INCENP: variants seen among roughly 807,000 people sequenced by gnomAD.
The protein encoded by INCENP is inner centromere protein.
Under a neutral mutation model 107.3 loss-of-function variants are expected in INCENP, and 43 were observed. The ratio of observed to expected loss-of-function variants is 0.40; its 90% confidence interval spans 0.31 to 0.52. The LOEUF (loss-of-function observed/expected upper bound fraction) is 0.52, where lower values mean the gene tolerates loss of function less well. Ranked by LOEUF, INCENP falls within the 20% of genes least tolerant of loss-of-function variation. The pLI, the probability that INCENP is intolerant of heterozygous loss-of-function variation, is 0.53. For synonymous variants in INCENP, 488 were observed against 494.4 expected (o/e 0.99, Z 0.17); for missense variants, 1,089 against 1,250.9 (o/e 0.87, Z 1.95).
chr11:62,148,578 TC>T, intron 16 of INCENP, 24 bp downstream of exon 16: 1 of 1,582,998 alleles, frequency 6.3e-7, no homozygotes, highest in Non-Finnish European at 8.6e-7. Context: ...GGTTGCGGGC[TC>T]CCCTGGGGTC....
At chr11:62,150,242 G>A (rs373737398) in intron 18 of INCENP, 35 bp downstream of exon 18, 31 of 1,609,962 alleles carry the variant, frequency 1.9e-5, no homozygotes, top group Non-Finnish European at 2.5e-5. Flanking sequence ...GGAGACTCAG[G>A]CCCTCCCTGG....
Position 62,146,739 on chromosome 11 carries a change from G to T in INCENP, c.2041G>T (p.Ala681Ser). ...GGAGCGGCTGCGGAAGGCGGCCGAG[G>T]CTAAGCGGCTGGCAGAGCAGCGGGA... is the stretch of plus-strand genomic sequence containing the variant. The part of the protein sequence containing the change: ...EQERLRKAAE[A>S]KRLAEQREQE... The change falls in exon 15 of 19, where the codon GCT becomes TCT. Residue 681 changes from alanine (A) to serine (S), a missense_variant. Coordinates refer to ENST00000394818, the MANE Select transcript of INCENP (RefSeq NM_001040694.2). 1 of 1,549,806 alleles carries T rather than the reference G, an allele frequency of 6.5e-7. No individual in the cohort carries two copies. The highest frequency in any genetic ancestry group is 8.7e-7 in the Non-Finnish European group (1 of 1,146,574).
chr11:62,151,388 C>T (rs1205582268), intron 18 of INCENP, among the ~76,000 whole-genome samples: 2 of 152,200 alleles, frequency 1.3e-5, no homozygotes, highest in African/African-American at 4.8e-5. Flanking sequence ...GCATCCTATG[C>T]TTAAGCTCTG....
Position 62,140,713 on chromosome 11 carries a change from C to T in INCENP, c.1353C>T (p.Arg451=). ...REPPQSARRK[R]SYKQAVSELD... ...GCCCGCGCCTTGGCAGGAGGAAGCG[C>T]AGCTACAAGCAGGCCGTGAGTGAGC... The change falls in exon 9 of 19, where the codon CGC becomes CGT. Residue 451 remains arginine (R), a synonymous_variant. Transcript: ENST00000394818. 1 of 1,571,268 alleles carries T rather than the reference C, an allele frequency of 6.4e-7. No homozygotes were observed. Among genetic ancestry groups the T allele is most frequent in the Middle Eastern group, 2.2e-4 (1 of 4,464 alleles).
At chr11:62,140,660 C>T (rs1944095325) in intron 8 of INCENP, 44 bp from the exon 9 acceptor site, 1 of 1,487,408 alleles carries the variant, frequency 6.7e-7, no homozygotes, top group African/African-American at 1.4e-5. Flanking sequence ...TGTGGCTGGG[C>T]TGTGGCGGGC....
intron 7 of INCENP, 79 bp from the exon 8 acceptor site, chr11:62,140,155 C>A (rs534187060): frequency 9.5e-6 from 12 of 1,261,808 alleles, no homozygotes; most frequent in Non-Finnish European, 1.4e-5. Context: ...TGCCCAAGGA[C>A]CCCTTCCCCC....
rs542520470 is a variant in INCENP at position 62,146,808 on chromosome 11, G to C, written c.2110G>C (p.Glu704Gln). The C allele has an allele frequency of 1.3e-6, 2 of 1,536,120 alleles. No individual in the cohort carries two copies. Among genetic ancestry groups the C allele is most frequent in the Admixed American group, 2.0e-5 (1 of 50,630 alleles). Residue 704 changes from glutamate (E) to glutamine (Q), a missense_variant, in exon 15 of 19, where the codon GAG becomes CAG. Glu to Gln is a conservative substitution (Grantham distance 29). Transcript: ENST00000394818. ...EQERREQERR[E>Q]QERREQERRE... ...GGAGCGGCGCGAGCAGGAGCGGCGC[G>C]AGCAGGAGCGGCGGGAGCAGGAGCG...
chr11:62,138,407 C>G (rs1476602604), intron 5 of INCENP, among the ~76,000 whole-genome samples: 1 of 152,220 alleles, frequency 6.6e-6, no homozygotes. Flanking sequence ...AAAAGAGATG[C>G]AGCTCACCTG....
intron 7 of INCENP, among the ~76,000 whole-genome samples, chr11:62,139,874 T>G (rs1474860242): frequency 6.6e-6 from 1 of 152,154 alleles, no homozygotes; most frequent in Non-Finnish European, 1.5e-5. Context: ...CGCCCTGCCT[T>G]GCCTATCATA....
chr11:62,130,994 G>A lies in INCENP; in HGVS notation c.1063+404G>A, dbSNP rs554993563. On this transcript the variant is annotated intron_variant, in intron 4 of 18. Coordinates refer to ENST00000394818, the MANE Select transcript of INCENP (RefSeq NM_001040694.2). ...TGAGGCTGGAGCCTGGGCCTCTTCC[G>A]CAGGGCCAGCTCATTCCTCCCAACC... 1.5e-4 allele frequency among the ~76,000 whole-genome samples: 23 copies of A among 152,268 alleles called. No individual in the cohort carries two copies. The South Asian group carries it at 2.9e-3, about 19-fold the overall frequency.
In INCENP at chr11:62,130,043, C is replaced by T; in HGVS notation, c.516C>T (p.Gly172=). Residue 172 remains glycine (G), a synonymous_variant, in exon 4 of 19, where the codon GGC becomes GGT. Transcript: ENST00000394818. ...AGCTGGTGCCTGTGGTGGAGATCGG[C>T]ATCAGTGAGCGCCAGAATGCTGAGC... ...QCQLVPVVEI[G]ISERQNAEQH... The T allele has an allele frequency of 6.2e-7, 1 of 1,613,914 alleles. No individual in the cohort carries two copies. Among genetic ancestry groups the T allele is most frequent in the Non-Finnish European group, 8.5e-7 (1 of 1,180,012 alleles).
intron 4 of INCENP, among the ~76,000 whole-genome samples, chr11:62,134,047 C>T (rs1042299636): frequency 4.6e-5 from 7 of 152,222 alleles, no homozygotes; most frequent in Non-Finnish European, 1.0e-4. Flanking sequence ...GGCCTTGGCC[C>T]TCCTTCTCCC....
chr11:62,126,444 C>T (rs529968488), intron 1 of INCENP, among the ~76,000 whole-genome samples: 1 of 152,310 alleles, frequency 6.6e-6, no homozygotes, highest in Admixed American at 6.5e-5. Context: ...GATCTGCCCA[C>T]TTCGGCCTTC....
At position 62,128,144 on chromosome 11, in the gene INCENP, T is replaced by C; in HGVS notation, c.-11-7T>C. The C allele has an allele frequency of 6.2e-7, 1 of 1,613,896 alleles. No individual in the cohort carries two copies. Among genetic ancestry groups the C allele is most frequent in the Non-Finnish European group, 8.5e-7 (1 of 1,179,922 alleles). On this transcript the variant is annotated splice_region_variant and splice_polypyrimidine_tract_variant and intron_variant, in intron 1 of 18. Transcript: ENST00000394818. ...TAACTTGTGCCTCTTGTCCCTGCCTTCACCAGACAGAGCCACCATGGGGAC... is the reference window on the plus strand; with the variant it reads ...TAACTTGTGCCTCTTGTCCCTGCCTCCACCAGACAGAGCCACCATGGGGAC...
At chr11:62,140,422 C>A in intron 8 of INCENP, 137 bp downstream of exon 8, 1 of 834,130 alleles carries the variant, frequency 1.2e-6, no homozygotes, top group Non-Finnish European at 2.0e-6. Flanking sequence ...GGTGTTGTGA[C>A]TTAACCAAGG....
intron 18 of INCENP, 148 bp downstream of exon 18, chr11:62,150,355 A>G (rs1317537566): frequency 3.8e-6 from 3 of 792,468 alleles, no homozygotes; most frequent in African/African-American, 3.5e-5. Flanking sequence ...TTGGGTATGC[A>G]TGTGCCCTGG....
At chr11:62,129,492 G>T (rs1943832351) in intron 3 of INCENP, among the ~76,000 whole-genome samples, 1 of 152,180 alleles carries the variant, frequency 6.6e-6, no homozygotes, top group Non-Finnish European at 1.5e-5. Context: ...TTCAGCAGGG[G>T]CTCGGTGTGG....
chr11:62,145,898 C>A, intron 14 of INCENP, 147 bp downstream of exon 14: 1 of 1,016,886 alleles, frequency 9.8e-7, no homozygotes, highest in Non-Finnish European at 1.4e-6. Flanking sequence ...TCCCAGAAGT[C>A]TCCAGGGCGG....
Position 62,146,807 on chromosome 11 carries a change from C to G in INCENP, c.2109C>G (p.Arg703=), listed in dbSNP as rs371735595. ...AGGAGCGGCGCGAGCAGGAGCGGCG[C>G]GAGCAGGAGCGGCGGGAGCAGGAGC... ...REQERREQER[R]EQERREQERR... Residue 703 remains arginine (R), a synonymous_variant, in exon 15 of 19, where the codon CGC becomes CGG. Coordinates refer to ENST00000394818, the MANE Select transcript of INCENP (RefSeq NM_001040694.2). 3.0e-4 allele frequency: 461 copies of G among 1,519,948 alleles called. No homozygotes were observed. The highest frequency in any genetic ancestry group is 2.5e-3 in the African/African-American group (173 of 68,338). The allele number at this position is 1,519,948 out of a possible 1,614,324, so 94.2% of individuals were successfully genotyped here.
Sources: allele counts gnomAD v4.1 joint callset (sites outside exome capture counted in the v4.1 genomes callset), GRCh38; gene constraint gnomAD v4.1.1; transcripts MANE v1.5; gene names NCBI Gene and HGNC (gene_info 2026-07-23, HGNC 2026-07-21).